HS3ST4: variants seen among roughly 807,000 people sequenced by gnomAD.
The protein encoded by HS3ST4 is heparan sulfate glucosamine 3-O-sulfotransferase 4.
Under a neutral mutation model 29.2 loss-of-function variants are expected in HS3ST4, and 17 were observed. The ratio of observed to expected loss-of-function variants is 0.58; its 90% CI spans 0.40 to 0.87. The LOEUF (loss-of-function observed/expected upper bound fraction) is 0.87, where lower values mean the gene tolerates loss of function less well. Among genes scored for constraint, HS3ST4 ranks in the 40% least tolerant of loss-of-function variants. The pLI is 0.00. For missense variants in HS3ST4, 627 were observed against 634.5 expected (o/e 0.99, Z 0.13); for synonymous variants, 314 against 285.7 (o/e 1.10, Z -1.00).
chr16:25,897,428 G>A (rs951438526), intron 1 of HS3ST4, among the ~76,000 whole-genome samples: 2 of 152,044 alleles, frequency 1.3e-5, no homozygotes, highest in Non-Finnish European at 2.9e-5. Flanking sequence ...CTCCAGCCTG[G>A]GCAACAAAGT....
At chr16:26,026,219 G>A (rs546368273) in intron 1 of HS3ST4, among the ~76,000 whole-genome samples, 1 of 152,234 alleles carries the variant, frequency 6.6e-6, no homozygotes, top group South Asian at 2.1e-4. Flanking sequence ...AAACAACATC[G>A]TTTTTGAGAA....
intron 1 of HS3ST4, among the ~76,000 whole-genome samples, chr16:25,728,394 G>GT (rs1248478178): frequency 2.6e-5 from 4 of 152,140 alleles, no homozygotes; most frequent in Non-Finnish European, 5.9e-5. Context: ...CCAGTAGCTT[G>GT]GCTTCTCTGT....
At chr16:26,085,184 T>G (rs1462947257) in intron 1 of HS3ST4, among the ~76,000 whole-genome samples, 3 of 152,154 alleles carry the variant, frequency 2.0e-5, no homozygotes, top group African/African-American at 7.2e-5. Context: ...AAAATTGGAC[T>G]CAAATTCTGA....
At chr16:26,127,371 G>A (rs562247111) in intron 1 of HS3ST4, among the ~76,000 whole-genome samples, 27 of 152,314 alleles carry the variant, frequency 1.8e-4, no homozygotes, top group African/African-American at 6.3e-4. Context: ...TCAGGACTTT[G>A]GGAGGCCAAG....
At chr16:26,088,201 T>C (rs1043701455) in intron 1 of HS3ST4, among the ~76,000 whole-genome samples, 1 of 152,200 alleles carries the variant, frequency 6.6e-6, no homozygotes, top group Admixed American at 6.5e-5. Flanking sequence ...CCAGAACACG[T>C]GTTCCTCTTC....
chr16:25,774,505 C>A lies in HS3ST4; in HGVS notation c.734+81354C>A, dbSNP rs1040663455. On this transcript the variant is annotated intron_variant, in intron 1 of 1. Transcript: ENST00000331351. Reference sequence around the variant, plus strand: ...TTGCTACAGCAATGGTGGTTTAGACCAAGAACCCTAAGGCCAGACTGCCTG... The same window carrying A: ...TTGCTACAGCAATGGTGGTTTAGACAAAGAACCCTAAGGCCAGACTGCCTG... 2.0e-5 allele frequency among the ~76,000 whole-genome samples: 3 copies of A among 152,310 alleles called. No individual in the cohort carries two copies. The South Asian group carries it at 6.2e-4, about 32-fold the overall frequency.
In HS3ST4 at chr16:26,029,469, A is replaced by G. The variant is rs999713044; in HGVS notation, c.735-106143A>G. On this transcript the variant is annotated intron_variant, in intron 1 of 1. Transcript: ENST00000331351. ...ACTCTGTCGCCCAGGCTGGAGTGCA[A>G]TGGCACAATCTAGGCTCACTGCAAC... 6.1e-4 allele frequency among the ~76,000 whole-genome samples: 92 copies of G among 151,942 alleles called. 1 individual carries two copies. Among genetic ancestry groups the G allele is most frequent in the African/African-American group, 2.0e-3 (82 of 41,434 alleles).
intron 1 of HS3ST4, among the ~76,000 whole-genome samples, chr16:25,717,510 G>GGGGTGTGTGTGTGTGTGTGT (rs1305361400): frequency 7.5e-6 from 1 of 132,830 alleles, no homozygotes; most frequent in African/African-American, 2.9e-5. Flanking sequence ...AAGGTGAAGG[G>GGGGTGTGTGTGTGTGTGTGT]GTGTGTGTGT....
intron 1 of HS3ST4, among the ~76,000 whole-genome samples, chr16:25,907,202 A>G (rs1263148628): frequency 6.6e-6 from 1 of 152,110 alleles, no homozygotes; most frequent in Non-Finnish European, 1.5e-5. Context: ...CTCTAAAAAT[A>G]TTAAAATTAA....
At chr16:25,916,477 C>T (rs1464913431) in intron 1 of HS3ST4, among the ~76,000 whole-genome samples, 1 of 152,040 alleles carries the variant, frequency 6.6e-6, no homozygotes, top group Non-Finnish European at 1.5e-5. Flanking sequence ...ATTCTCCTGC[C>T]TCAGCCTACC....
chr16:26,017,771 A>T (rs1436424669), intron 1 of HS3ST4, among the ~76,000 whole-genome samples: 1 of 152,174 alleles, frequency 6.6e-6, no homozygotes, highest in Non-Finnish European at 1.5e-5. Context: ...ATGAATAGGG[A>T]TAGAACATAG....
intron 1 of HS3ST4, among the ~76,000 whole-genome samples, chr16:25,923,862 G>A (rs1051172183): frequency 5.3e-5 from 8 of 152,102 alleles, no homozygotes; most frequent in Non-Finnish European, 8.8e-5. Context: ...CATCCATCAT[G>A]CTTAAGTGGA....
At chr16:25,995,384 G>A (rs1173532667) in intron 1 of HS3ST4, among the ~76,000 whole-genome samples, 5 of 152,174 alleles carry the variant, frequency 3.3e-5, no homozygotes, top group African/African-American at 4.8e-5. Context: ...CCAGCTCTTG[G>A]TTATGCTTTT....
At chr16:25,861,157 CT>C (rs1473862514) in intron 1 of HS3ST4, among the ~76,000 whole-genome samples, 1 of 152,192 alleles carries the variant, frequency 6.6e-6, no homozygotes, top group Admixed American at 6.5e-5. Context: ...GTGTGAGAGA[CT>C]GATTTGAACA....
intron 1 of HS3ST4, among the ~76,000 whole-genome samples, chr16:25,954,066 GA>G (rs1345365015): frequency 6.6e-6 from 1 of 152,172 alleles, no homozygotes; most frequent in Non-Finnish European, 1.5e-5. Context: ...ATACTTAGGG[GA>G]TATAGGAGAA....
chr16:25,888,591 C>T (rs1382980084), intron 1 of HS3ST4, among the ~76,000 whole-genome samples: 4 of 152,238 alleles, frequency 2.6e-5, no homozygotes, highest in Admixed American at 6.5e-5. Context: ...GGGCAGGGTG[C>T]TGCTCTGCTC....
chr16:26,068,840 T>C lies in HS3ST4; in HGVS notation c.735-66772T>C, dbSNP rs939183536. 3.4e-4 allele frequency among the ~76,000 whole-genome samples: 52 copies of C among 152,204 alleles called. 1 individual carries two copies. Among genetic ancestry groups the C allele is most frequent in the Admixed American group, 2.6e-4 (4 of 15,284 alleles). On this transcript the variant is annotated intron_variant, in intron 1 of 1. Transcript: ENST00000331351. ...AGGTGAATTGTTTGATTTTTGCATG[T>C]CCAACTTATGTGTATGATTTCAAGG...
chr16:26,125,935 A>G (rs1899337560), intron 1 of HS3ST4, among the ~76,000 whole-genome samples: 1 of 152,238 alleles, frequency 6.6e-6, no homozygotes, highest in African/African-American at 2.4e-5. Context: ...CTGGATACTC[A>G]GTGTATTTTG....
chr16:25,834,930 G>C (rs566672070), intron 1 of HS3ST4, among the ~76,000 whole-genome samples: 1 of 152,176 alleles, frequency 6.6e-6, no homozygotes, highest in Non-Finnish European at 1.5e-5. Flanking sequence ...CTGGGCGACA[G>C]AGTGAGACCC....
Sources: gnomAD v4.1 joint callset for allele counts (sites outside exome capture counted in the v4.1 genomes callset) on GRCh38, gnomAD v4.1.1 for gene constraint, MANE v1.5 for transcripts, NCBI Gene and HGNC (gene_info 2026-07-23, HGNC 2026-07-21) for gene names.